CHMP6: variants seen among roughly 807,000 people sequenced by gnomAD.
The protein encoded by CHMP6 is chromatin-modifying protein 6.
A neutral mutation model predicts 32.8 loss-of-function variants in CHMP6; 10 were observed. The ratio of observed to expected loss-of-function variants is 0.30; its 90% CI spans 0.19 to 0.52. The LOEUF is 0.52. Among genes scored for constraint, CHMP6 ranks in the 20% least tolerant of loss-of-function variants. The probability of loss-of-function intolerance (pLI) is 0.97; values close to 1 mark genes in which losing one functional copy is unlikely to be tolerated. For synonymous variants in CHMP6, 123 were observed against 105.8 expected (o/e 1.16, Z -1.00); for missense variants, 269 against 263.8 (o/e 1.02, Z -0.14).
At chr17:80,992,039 G>A (rs1598437804) in intron 1 of CHMP6, 58 bp downstream of exon 1, 4 of 1,224,922 alleles carry the variant, frequency 3.3e-6, no homozygotes, top group Non-Finnish European at 4.2e-6. Context: ...GGGCCGGGGC[G>A]GGCGGCGGGG....
intron 1 of CHMP6, among the ~76,000 whole-genome samples, chr17:80,992,664 C>T (rs1218340566): frequency 6.6e-6 from 1 of 152,166 alleles, no homozygotes; most frequent in East Asian, 1.9e-4. Flanking sequence ...CAGACTGACC[C>T]CCCGGGGCAC....
At chr17:80,995,138 A>C in intron 3 of CHMP6, 32 bp downstream of exon 3, 1 of 1,574,300 alleles carries the variant, frequency 6.4e-7, no homozygotes, top group South Asian at 1.2e-5. Flanking sequence ...CCTGGAGTGC[A>C]GGTGCAGCTG....
chr17:80,995,029 C>G lies in CHMP6; in HGVS notation c.184C>G (p.Leu62Val), dbSNP rs1484880586. ...GGCTTCCCTCTGCAGACGGGCCAAG[C>G]TGCTGCTCAAGAAGAAGCGATACCA... Reference protein sequence around the residue: ...LRDGRKERAKLLLKKKRYQEQ... With the variant: ...LRDGRKERAKVLLKKKRYQEQ... The change falls in exon 3 of 8, where the codon CTG becomes GTG. Residue 62 changes from leucine to valine, a missense_variant. Physicochemically the swap from Leu to Val is conservative, Grantham distance 32. Coordinates refer to ENST00000325167, the MANE Select transcript of CHMP6 (RefSeq NM_024591.5). The G allele has an allele frequency of 1.9e-6, 3 of 1,595,728 alleles. No individual in the cohort carries two copies. The African/African-American group carries it at 4.0e-5, about 21-fold the overall frequency.
At chr17:80,993,170 C>T (rs1367725571) in intron 1 of CHMP6, among the ~76,000 whole-genome samples, 2 of 152,340 alleles carry the variant, frequency 1.3e-5, no homozygotes, top group Non-Finnish European at 2.9e-5. Context: ...TGTGGGCTCT[C>T]GGCTGTGCAG....
chr17:80,994,247 C>T (rs1441419607), intron 1 of CHMP6, among the ~76,000 whole-genome samples: 1 of 152,190 alleles, frequency 6.6e-6, no homozygotes, highest in Non-Finnish European at 1.5e-5. Context: ...GCAGCTGCTC[C>T]CTGACCTGAG....
Position 80,999,592 on chromosome 17 carries a change from C to T in CHMP6, c.*439C>T. On this transcript the variant is annotated 3_prime_UTR_variant, in exon 8 of 8. Coordinates refer to ENST00000325167, the MANE Select transcript of CHMP6 (RefSeq NM_024591.5). ...TGCAGGCTTCCGTTAAGGGGTCCCT[C>T]CCTTGGCCTGGCTTCCCGGCGCACC... 6.2e-6 allele frequency: 1 copy of T among 162,316 alleles called. No individual in the cohort carries two copies. The highest frequency in any genetic ancestry group is 1.3e-5 in the Non-Finnish European group (1 of 74,456). The allele number at this position is 162,316 out of a possible 1,614,324, so 10.1% of individuals were successfully genotyped here.
chr17:80,998,015 G>A (rs752260807), intron 6 of CHMP6, among the ~76,000 whole-genome samples: 4 of 152,222 alleles, frequency 2.6e-5, no homozygotes, highest in Non-Finnish European at 4.4e-5. Context: ...AGCCCACCCC[G>A]CAGTGGTGGA....
intron 2 of CHMP6, 31 bp from the exon 3 acceptor site, chr17:80,994,988 C>G: frequency 6.4e-7 from 1 of 1,567,312 alleles, no homozygotes; most frequent in African/African-American, 1.3e-5. Flanking sequence ...GGCAGGGCCA[C>G]AGCGGGTCAC....
rs1424188353 is a variant in CHMP6 at position 80,993,344 on chromosome 17, AG to A, written c.64-1231del. 4.6e-5 allele frequency among the ~76,000 whole-genome samples: 7 copies of A among 151,492 alleles called. No individual in the cohort carries two copies. In the East Asian group the frequency reaches 1.4e-3, roughly 29 times the overall value. ...ACCCTCCACTGAGACCTTGTTTTAC[AG>A]GGGGGCAGCCTGGCCACACCTGCCT... On this transcript the variant is annotated intron_variant, in intron 1 of 7. Coordinates refer to ENST00000325167, the MANE Select transcript of CHMP6 (RefSeq NM_024591.5).
chr17:80,998,125 G>A (rs1159723792), intron 6 of CHMP6, among the ~76,000 whole-genome samples: 3 of 152,190 alleles, frequency 2.0e-5, no homozygotes, highest in Non-Finnish European at 4.4e-5. Context: ...CAGCCCCTCA[G>A]CGCCCCAGGG....
At chr17:80,995,251 C>A in intron 3 of CHMP6, 145 bp downstream of exon 3, 1 of 776,682 alleles carries the variant, frequency 1.3e-6, no homozygotes, top group Non-Finnish European at 2.1e-6. Flanking sequence ...AGGGGCGGGC[C>A]TGGAATCCCG....
intron 3 of CHMP6, among the ~76,000 whole-genome samples, chr17:80,995,362 G>T (rs2069628408): frequency 6.6e-6 from 1 of 152,118 alleles, no homozygotes; most frequent in Non-Finnish European, 1.5e-5. Context: ...GGTGGTGTGG[G>T]TAGGTCAGGG....
chr17:80,992,691 G>A (rs954187656), intron 1 of CHMP6, among the ~76,000 whole-genome samples: 10 of 152,198 alleles, frequency 6.6e-5, no homozygotes, highest in Non-Finnish European at 1.2e-4. Context: ...GCCGGTGGTG[G>A]TGCCTTTTCC....
intron 7 of CHMP6, 113 bp downstream of exon 7, chr17:80,998,533 G>C (rs929170634): frequency 6.3e-7 from 1 of 1,583,150 alleles, no homozygotes; most frequent in Non-Finnish European, 8.6e-7. Flanking sequence ...GGCAAGCCCT[G>C]CTGCCTGGCT....
In CHMP6 at chr17:80,991,875, G is replaced by A. The variant is rs1448269563; in HGVS notation, c.-44G>A. On this transcript the variant is annotated 5_prime_UTR_variant, in exon 1 of 8. Coordinates refer to ENST00000325167, the MANE Select transcript of CHMP6 (RefSeq NM_024591.5). ...GCTACGGTGGCCGCGGGGCGGCGGT[G>A]GCGATTGGACTTGGTGGGTCCCGGG... 4 of 1,356,312 alleles carry A rather than the reference G, an allele frequency of 2.9e-6. No homozygotes were observed. Among genetic ancestry groups the A allele is most frequent in the Non-Finnish European group, 2.9e-6 (3 of 1,040,824 alleles). The allele number at this position is 1,356,312 out of a possible 1,614,324, so 84.0% of individuals were successfully genotyped here. A position where few individuals can be genotyped will look rare whatever the true frequency, so the allele number is the denominator to read the frequency against.
Position 80,991,903 on chromosome 17 carries a change from AG to A in CHMP6, c.-12del. 3 of 1,448,250 alleles carry A rather than the reference AG, an allele frequency of 2.1e-6. No homozygotes were observed. Among genetic ancestry groups the A allele is most frequent in the South Asian group, 2.6e-5 (2 of 76,106 alleles). The allele number at this position is 1,448,250 out of a possible 1,614,324, so 89.7% of individuals were successfully genotyped here. ...GATTGGACTTGGTGGGTCCCGGGCC[AG>A]GGGCGGGCGCCGCCATGGGTAACCT... is the stretch of plus-strand genomic sequence containing the variant. On this transcript the variant is annotated 5_prime_UTR_variant, in exon 1 of 8. Transcript: ENST00000325167.
At chr17:80,994,019 T>C (rs971548779) in intron 1 of CHMP6, among the ~76,000 whole-genome samples, 2 of 152,102 alleles carry the variant, frequency 1.3e-5, no homozygotes, top group African/African-American at 4.8e-5. Context: ...TTCACGCTGT[T>C]CTCCTGCCTC....
At chr17:80,998,473 G>A (rs1215342375) in intron 7 of CHMP6, 53 bp downstream of exon 7, 2 of 1,613,464 alleles carry the variant, frequency 1.2e-6, no homozygotes, top group South Asian at 2.2e-5. Flanking sequence ...GAGAAAAGTG[G>A]ATTCTAGAAG....
chr17:80,994,108 G>A (rs2069616247), intron 1 of CHMP6, among the ~76,000 whole-genome samples: 1 of 152,208 alleles, frequency 6.6e-6, no homozygotes, highest in African/African-American at 2.4e-5. Context: ...TAGAGACGGG[G>A]TTTCACCATG....
Sources: allele counts gnomAD v4.1 joint callset (sites outside exome capture counted in the v4.1 genomes callset), GRCh38; gene constraint gnomAD v4.1.1; transcripts MANE v1.5; gene names NCBI Gene and HGNC (gene_info 2026-07-23, HGNC 2026-07-21).